Variants in RTF1 observed in about 807,000 individuals in gnomAD.
RTF1 encodes RNA polymerase-associated protein RTF1 homolog.
Under a neutral mutation model 95.7 loss-of-function variants are expected in RTF1, and 10 were observed. The ratio of observed to expected loss-of-function variants is 0.10; its 90% confidence interval spans 0.06 to 0.18. The LOEUF (loss-of-function observed/expected upper bound fraction) is 0.18. Among genes scored for constraint, RTF1 ranks in the 10% least tolerant of loss-of-function variants. The pLI is 1.00. For missense variants in RTF1, 458 were observed against 875.6 expected (o/e 0.52, Z 6.02); for synonymous variants, 305 against 311.8 (o/e 0.98, Z 0.23).
At chr15:41,427,646 C>T (rs2050642823) in intron 1 of RTF1, among the ~76,000 whole-genome samples, 1 of 152,064 alleles carries the variant, frequency 6.6e-6, no homozygotes, top group African/African-American at 2.4e-5. Flanking sequence ...CACAACTGCA[C>T]TCCAGCCTGG....
chr15:41,459,063 T>G (rs778826645), intron 4 of RTF1, among the ~76,000 whole-genome samples: 16 of 140,934 alleles, frequency 1.1e-4, no homozygotes, highest in Non-Finnish European at 2.0e-4. Flanking sequence ...CAGAGGGAGA[T>G]TCCGTCTCAA....
intron 2 of RTF1, chr15:41,448,849 TA>T (rs977796827): frequency 9.2e-5 from 14 of 152,032 alleles, no homozygotes; most frequent in Admixed American, 5.9e-4. Flanking sequence ...GAGCAGAGAT[TA>T]TTTTTTTAAA....
chr15:41,459,767 A>G (rs1293605422), intron 4 of RTF1, among the ~76,000 whole-genome samples: 1 of 152,202 alleles, frequency 6.6e-6, no homozygotes, highest in Admixed American at 6.5e-5. Context: ...GTGTTAAATT[A>G]CTTTTTGATA....
intron 2 of RTF1, among the ~76,000 whole-genome samples, chr15:41,449,124 T>C (rs1359780549): frequency 6.6e-6 from 1 of 151,972 alleles, no homozygotes; most frequent in Non-Finnish European, 1.5e-5. Context: ...GCTCAAGCAA[T>C]CAGCCTGCCT....
At position 41,423,518 on chromosome 15, in the gene RTF1, C is replaced by T. The variant is rs571249334; in HGVS notation, c.198+6205C>T. 2.1e-3 allele frequency among the ~76,000 whole-genome samples: 325 copies of T among 152,056 alleles called. 2 individuals are homozygous for T. The highest frequency in any genetic ancestry group is 3.7e-3 in the Non-Finnish European group (250 of 67,990). On this transcript the variant is annotated intron_variant, in intron 1 of 17. Coordinates refer to ENST00000389629, the MANE Select transcript of RTF1 (RefSeq NM_015138.5). ...CCGAGTAGCTGGGATGACAGGCACG[C>T]GCCACCACTCCCGGCTAATTTTACA...
At chr15:41,419,703 T>C (rs1382529377) in intron 1 of RTF1, among the ~76,000 whole-genome samples, 4 of 152,220 alleles carry the variant, frequency 2.6e-5, no homozygotes, top group African/African-American at 7.2e-5. Context: ...TCCTTAGTAG[T>C]TTCCCACAGA....
chr15:41,479,584 G>T (rs2050959841), intron 16 of RTF1, among the ~76,000 whole-genome samples: 1 of 152,144 alleles, frequency 6.6e-6, no homozygotes, highest in Non-Finnish European at 1.5e-5. Flanking sequence ...TTTCTTGCTG[G>T]GCGCAGTGGC....
At chr15:41,436,792 T>G (rs1227943218) in intron 1 of RTF1, among the ~76,000 whole-genome samples, 1 of 151,156 alleles carries the variant, frequency 6.6e-6, no homozygotes, top group Non-Finnish European at 1.5e-5. Flanking sequence ...AGTCTCTGTC[T>G]CAAAAACAAT....
intron 9 of RTF1, 22 bp downstream of exon 9, chr15:41,474,724 GC>G (rs1341402761): frequency 6.4e-7 from 1 of 1,567,922 alleles, no homozygotes; most frequent in Admixed American, 1.7e-5. Flanking sequence ...TTCTGGGGTA[GC>G]TTCTGCTTCC....
At chr15:41,474,221 T>A (rs2050930787) in intron 8 of RTF1, among the ~76,000 whole-genome samples, 4 of 152,170 alleles carry the variant, frequency 2.6e-5, no homozygotes, top group African/African-American at 9.7e-5. Flanking sequence ...TTTTTATGTG[T>A]GTTATCCCCT....
chr15:41,461,943 G>C (rs1293739356), intron 4 of RTF1, among the ~76,000 whole-genome samples: 6 of 149,782 alleles, frequency 4.0e-5, no homozygotes, highest in South Asian at 2.1e-4. Flanking sequence ...TTTTAGAGAG[G>C]GGGGGTTTGC....
chr15:41,429,264 C>T (rs1281693848), intron 1 of RTF1, among the ~76,000 whole-genome samples: 6 of 152,136 alleles, frequency 3.9e-5, no homozygotes, highest in East Asian at 3.9e-4. Flanking sequence ...AGTAACTTCT[C>T]GGATTTAAAG....
chr15:41,432,981 G>A (rs895573515), intron 1 of RTF1, among the ~76,000 whole-genome samples: 4 of 151,634 alleles, frequency 2.6e-5, no homozygotes, highest in Admixed American at 6.6e-5. Flanking sequence ...GGTCGGCTGC[G>A]GTGGCTCACA....
intron 1 of RTF1, among the ~76,000 whole-genome samples, chr15:41,427,314 G>A (rs972663077): frequency 3.4e-5 from 5 of 147,624 alleles, no homozygotes; most frequent in African/African-American, 1.3e-4. Context: ...ACCATGCCCG[G>A]CTAATTTTTT....
At chr15:41,448,837 G>A (rs1595432201) in intron 2 of RTF1, 3 of 152,000 alleles carry the variant, frequency 2.0e-5, no homozygotes, top group African/African-American at 4.8e-5. Flanking sequence ...TGCTGCTGAA[G>A]CGAGCAGAGA....
intron 1 of RTF1, among the ~76,000 whole-genome samples, chr15:41,423,433 C>T (rs1012473291): frequency 7.1e-6 from 1 of 141,030 alleles, no homozygotes; most frequent in Non-Finnish European, 1.5e-5. Flanking sequence ...AGAGCAATGG[C>T]ACGCTGGGCT....
At chr15:41,419,258 C>CATTGG (rs2050588658) in intron 1 of RTF1, among the ~76,000 whole-genome samples, 1 of 152,154 alleles carries the variant, frequency 6.6e-6, no homozygotes, top group Non-Finnish European at 1.5e-5. Context: ...ACAATAACAA[C>CATTGG]ATTGGCTACC....
In RTF1 at chr15:41,477,533, G is replaced by C; in HGVS notation, c.1740+18G>C. On this transcript the variant is annotated intron_variant, in intron 14 of 17. Transcript: ENST00000389629. ...CCCTTGTGGTAAGAAAACTTTATCT[G>C]AATCACTAAAACAAAGTTAATTAAT... 2 of 1,605,734 alleles carry C rather than the reference G, an allele frequency of 1.2e-6. No homozygotes were observed. The highest frequency in any genetic ancestry group is 1.7e-6 in the Non-Finnish European group (2 of 1,172,386).
chr15:41,471,921 C>T (rs1334582343), intron 8 of RTF1, among the ~76,000 whole-genome samples: 3 of 151,902 alleles, frequency 2.0e-5, no homozygotes, highest in Non-Finnish European at 2.9e-5. Flanking sequence ...TTTTTTGAGA[C>T]GGAGTCTCAT....
Sources: gnomAD v4.1 joint callset for allele counts (sites outside exome capture counted in the v4.1 genomes callset) on GRCh38, gnomAD v4.1.1 for gene constraint, MANE v1.5 for transcripts, NCBI Gene and HGNC (gene_info 2026-07-23, HGNC 2026-07-21) for gene names.